Variants in SLC25A16 observed in about 807,000 individuals in gnomAD.
SLC25A16 encodes mitochondrial coenzyme A transporter SLC25A16.
A neutral mutation model predicts 41.5 loss-of-function variants in SLC25A16; 39 were observed. That is an observed-to-expected ratio of 0.94 (90% CI 0.73 to 1.23). The LOEUF (loss-of-function observed/expected upper bound fraction) is 1.23. Ranked by LOEUF, SLC25A16 falls within the 50% of genes most tolerant of loss-of-function variation. The pLI, the probability that SLC25A16 is intolerant of heterozygous loss-of-function variation, is 0.00. For missense variants in SLC25A16, 421 were observed against 426.9 expected, an observed-to-expected ratio of 0.99 and a Z score of 0.12; for synonymous variants, 146 against 147.8, an observed-to-expected ratio of 0.99 and a Z score of 0.09.
At chr10:68,496,057 A>G (rs989829402) in intron 4 of SLC25A16, among the ~76,000 whole-genome samples, 19 of 152,156 alleles carry the variant, frequency 1.2e-4, no homozygotes, top group Non-Finnish European at 4.4e-5. Context: ...CATGTATTCT[A>G]TTGAAACTAT....
chr10:68,526,728 C>G (rs1404053236), intron 1 of SLC25A16, among the ~76,000 whole-genome samples: 2 of 152,204 alleles, frequency 1.3e-5, no homozygotes, highest in Non-Finnish European at 2.9e-5. Flanking sequence ...AAAGTCACAT[C>G]AATAATAGGG....
chr10:68,484,153 T>C (rs1296266303), intron 8 of SLC25A16, among the ~76,000 whole-genome samples: 1 of 152,230 alleles, frequency 6.6e-6, no homozygotes, highest in African/African-American at 2.4e-5. Flanking sequence ...TGACATTTAC[T>C]GGACAACAAC....
intron 2 of SLC25A16, among the ~76,000 whole-genome samples, chr10:68,507,790 A>AT (rs1346637795): frequency 6.6e-6 from 1 of 152,314 alleles, no homozygotes; most frequent in East Asian, 1.9e-4. Context: ...TTTTGATCAA[A>AT]TATGAAAGGA....
rs2052831235 is a variant in SLC25A16 at position 68,500,911 on chromosome 10, A to G, written c.421+2721T>C. On this transcript the variant is annotated intron_variant, in intron 4 of 8. Transcript: ENST00000609923. ...CCATCACTGCACTCCAGCCTGGGCG[A>G]CAGAGGGAGACTCCGTCTCAAAAAA... is the stretch of plus-strand genomic sequence containing the variant. 2.0e-5 allele frequency among the ~76,000 whole-genome samples: 3 copies of G among 152,038 alleles called. 1 individual carries two copies. The South Asian group carries it at 6.2e-4, about 32-fold the overall frequency.
Position 68,524,322 on chromosome 10 carries a change from A to C in SLC25A16, c.130+2924T>G, listed in dbSNP as rs577934496. 9.3e-5 allele frequency among the ~76,000 whole-genome samples: 13 copies of C among 140,112 alleles called. No homozygotes were observed. The East Asian group carries it at 2.5e-3, about 27-fold the overall frequency. 91.9% of individuals were successfully genotyped at this position (140,112 alleles called of 152,430 possible). A position where few individuals can be genotyped will look rare whatever the true frequency, so the allele number is the denominator to read the frequency against. ...AGAAACTCCATCTCAAAAAAAAAAA[A>C]AAAAAAAAAGAGAGATCGAGACCAT... On this transcript the variant is annotated intron_variant, in intron 1 of 8. Coordinates refer to ENST00000609923, the MANE Select transcript of SLC25A16 (RefSeq NM_152707.4).
rs1480665140 is a variant in SLC25A16 at position 68,493,430 on chromosome 10, G to A, written c.543+19C>T. ...TATAAAAGGGCATGTTATAGATGAG[G>A]AAGGTAAATATGAAATACCTTTGCA... On this transcript the variant is annotated intron_variant, in intron 5 of 8. Coordinates refer to ENST00000609923, the MANE Select transcript of SLC25A16 (RefSeq NM_152707.4). 6.2e-7 allele frequency: 1 copy of A among 1,600,558 alleles called. No homozygotes were observed. Among genetic ancestry groups the A allele is most frequent in the Admixed American group, 1.7e-5 (1 of 59,962 alleles).
At chr10:68,525,708 GTC>G (rs1393524681) in intron 1 of SLC25A16, among the ~76,000 whole-genome samples, 1 of 152,142 alleles carries the variant, frequency 6.6e-6, no homozygotes, top group African/African-American at 2.4e-5. Flanking sequence ...TTGTTACTGT[GTC>G]TGTGTAGAAA....
At chr10:68,507,699 A>G (rs1308786124) in intron 2 of SLC25A16, among the ~76,000 whole-genome samples, 1 of 152,158 alleles carries the variant, frequency 6.6e-6, no homozygotes, top group African/African-American at 2.4e-5. Flanking sequence ...CAAGCAGTAT[A>G]CAGACTTCTC....
At chr10:68,508,403 TAAAAAA>T (rs59336332) in intron 2 of SLC25A16, among the ~76,000 whole-genome samples, 3 of 126,146 alleles carry the variant, frequency 2.4e-5, no homozygotes, top group Non-Finnish European at 3.3e-5. Context: ...CAGGAAGCTT[TAAAAAA>T]AAAAAAAAAA....
chr10:68,484,363 A>G (rs1039560961), intron 8 of SLC25A16, among the ~76,000 whole-genome samples: 6 of 151,814 alleles, frequency 4.0e-5, no homozygotes, highest in East Asian at 1.9e-4. Flanking sequence ...TTTCAAACCA[A>G]TAATTTGGGC....
chr10:68,487,017 A>G, intron 8 of SLC25A16, 127 bp downstream of exon 8: 1 of 638,320 alleles, frequency 1.6e-6, no homozygotes, highest in South Asian at 1.8e-5. Flanking sequence ...TTATAAAGTT[A>G]CCAAAATAAA....
In SLC25A16 at chr10:68,513,358, G is replaced by A. The variant is rs1351674252; in HGVS notation, c.223+3393C>T. Among the ~76,000 whole-genome samples the A allele has an allele frequency of 6.2e-5, 9 of 144,668 alleles. No homozygotes were observed. The Admixed American group carries it at 6.4e-4, about 10-fold the overall frequency. 94.9% of individuals were successfully genotyped at this position (144,668 alleles called of 152,430 possible). A position where few individuals can be genotyped will look rare whatever the true frequency, so the allele number is the denominator to read the frequency against. On this transcript the variant is annotated intron_variant, in intron 2 of 8. Coordinates refer to ENST00000609923, the MANE Select transcript of SLC25A16 (RefSeq NM_152707.4). ...CAGAAGGCAGAGGATACCATGAGCTGAGATCACATCACTGCACTCCAGCCT... is the reference window on the plus strand; with the variant it reads ...CAGAAGGCAGAGGATACCATGAGCTAAGATCACATCACTGCACTCCAGCCT...
chr10:68,489,063 C>T (rs987260551), intron 6 of SLC25A16, among the ~76,000 whole-genome samples: 4 of 152,014 alleles, frequency 2.6e-5, no homozygotes, highest in Non-Finnish European at 4.4e-5. Context: ...TGAGGTCAGG[C>T]GTTCGAGATC....
intron 3 of SLC25A16, 86 bp downstream of exon 3, chr10:68,506,499 A>G: frequency 4.5e-6 from 4 of 886,450 alleles, no homozygotes; most frequent in Admixed American, 3.2e-5. Context: ...AAACTTTTAC[A>G]TATTTTTAAA....
chr10:68,513,827 T>C (rs2053111801), intron 2 of SLC25A16, among the ~76,000 whole-genome samples: 2 of 151,016 alleles, frequency 1.3e-5, no homozygotes, highest in Admixed American at 6.6e-5. Context: ...GAGGCAGAGG[T>C]TGCAGTGAGC....
chr10:68,493,404 G>C, intron 5 of SLC25A16, 45 bp downstream of exon 5: 1 of 1,531,788 alleles, frequency 6.5e-7, no homozygotes, highest in Non-Finnish European at 9.0e-7. Flanking sequence ...ATTTTCCTAA[G>C]TATAAAAGGG....
chr10:68,503,787 G>A, intron 3 of SLC25A16, 92 bp from the exon 4 acceptor site: 3 of 792,282 alleles, frequency 3.8e-6, no homozygotes, highest in East Asian at 2.5e-5. Flanking sequence ...AAGAGTTACA[G>A]GACTAATAAA....
In SLC25A16 at chr10:68,483,457, A is replaced by G. The variant is rs2052510036; in HGVS notation, c.974T>C (p.Met325Thr). 4 of 1,595,218 alleles carry G rather than the reference A, an allele frequency of 2.5e-6. No individual in the cohort carries two copies. The highest frequency in any genetic ancestry group is 1.3e-5 in the African/African-American group (1 of 74,254). ...QAVAFTTYEL[M>T]KQFFHLN ...TTAGTTGAGGTGAAAAAACTGCTTC[A>G]TAAGTTCGTATGTTGTAAAAGCCAC... The change falls in exon 9 of 9, where the codon ATG becomes ACG. Residue 325 changes from methionine to threonine, a missense_variant. Transcript: ENST00000609923.
chr10:68,522,620 C>A (rs2053267274), intron 1 of SLC25A16, among the ~76,000 whole-genome samples: 1 of 152,036 alleles, frequency 6.6e-6, no homozygotes, highest in Non-Finnish European at 1.5e-5. Flanking sequence ...TCAAGACCAT[C>A]CTTGCTAACA....
Sources: gnomAD v4.1 joint callset for allele counts (sites outside exome capture counted in the v4.1 genomes callset) on GRCh38, gnomAD v4.1.1 for gene constraint, MANE v1.5 for transcripts, NCBI Gene and HGNC (gene_info 2026-07-23, HGNC 2026-07-21) for gene names.